The following RGS7 variants were observed in gnomAD, a reference collection of about 807,000 sequenced individuals.
RGS7 encodes regulator of G protein signaling 7, also known as regulator of G-protein signaling 7.
Under a neutral mutation model 81.1 loss-of-function variants are expected in RGS7, and 27 were observed. That is an observed-to-expected ratio of 0.33 (90% CI 0.25 to 0.46). RGS7 has a LOEUF of 0.46. Among genes scored for constraint, RGS7 ranks in the 20% least tolerant of loss-of-function variants. The pLI, the probability that RGS7 is intolerant of heterozygous loss-of-function variation, is 1.00. For synonymous variants in RGS7, 208 were observed against 207.7 expected (o/e 1.00, Z -0.01); for missense variants, 396 against 607.4 (o/e 0.65, Z 3.66).
intron 5 of RGS7, among the ~76,000 whole-genome samples, chr1:240,933,185 G>A (rs759234180): frequency 7.2e-5 from 11 of 151,758 alleles, no homozygotes; most frequent in Non-Finnish European, 1.5e-5. Context: ...CCCGGCCGGT[G>A]TTACTTTCTG....
At chr1:241,037,665 G>A (rs1217762801) in intron 3 of RGS7, among the ~76,000 whole-genome samples, 12 of 150,528 alleles carry the variant, frequency 8.0e-5, no homozygotes, top group Non-Finnish European at 1.6e-4. Flanking sequence ...AGGTTGCAGT[G>A]AGCCGAGATC....
chr1:240,875,093 T>C (rs1363624463), intron 6 of RGS7, among the ~76,000 whole-genome samples: 1 of 152,022 alleles, frequency 6.6e-6, no homozygotes. Context: ...TTGGCAATTT[T>C]CAAGTATTAA....
chr1:241,135,970 A>G (rs1332755682), intron 2 of RGS7, among the ~76,000 whole-genome samples: 1 of 152,056 alleles, frequency 6.6e-6, no homozygotes, highest in Non-Finnish European at 1.5e-5. Flanking sequence ...CAAAAAAAAA[A>G]AAAAAACTAG....
At chr1:241,214,298 C>A (rs1274169365) in intron 2 of RGS7, among the ~76,000 whole-genome samples, 1 of 152,036 alleles carries the variant, frequency 6.6e-6, no homozygotes, top group African/African-American at 2.4e-5. Context: ...GAATTCTAGA[C>A]TGACAAGGTA....
At chr1:241,211,472 T>C (rs1222464717) in intron 2 of RGS7, among the ~76,000 whole-genome samples, 1 of 152,154 alleles carries the variant, frequency 6.6e-6, no homozygotes, top group Non-Finnish European at 1.5e-5. Context: ...GCTGGAGTAG[T>C]GAGCAACACG....
intron 9 of RGS7, among the ~76,000 whole-genome samples, chr1:240,836,388 C>G (rs963986385): frequency 2.6e-5 from 4 of 152,144 alleles, no homozygotes; most frequent in African/African-American, 7.2e-5. Flanking sequence ...ATTATTCAGG[C>G]AAGAGATTAT....
At chr1:240,955,068 A>G (rs421234) in intron 4 of RGS7, among the ~76,000 whole-genome samples, 132,305 of 152,164 alleles carry the variant, frequency 0.87, 57,703 homozygotes, top group Admixed American at 0.93. Context: ...ACATAACACT[A>G]ATTAAAGAAA....
intron 9 of RGS7, among the ~76,000 whole-genome samples, chr1:240,863,242 G>T (rs1391678730): frequency 2.0e-5 from 3 of 152,170 alleles, no homozygotes; most frequent in Non-Finnish European, 2.9e-5. Context: ...GGGAGGCTGA[G>T]GCGGGAGGAT....
intron 3 of RGS7, among the ~76,000 whole-genome samples, chr1:241,091,663 A>T (rs1035256875): frequency 2.0e-5 from 3 of 152,120 alleles, no homozygotes; most frequent in Non-Finnish European, 4.4e-5. Flanking sequence ...AGACATGAGG[A>T]TCTCTTGAGT....
chr1:241,214,086 A>T (rs1461584097), intron 2 of RGS7, among the ~76,000 whole-genome samples: 2 of 152,328 alleles, frequency 1.3e-5, no homozygotes, highest in East Asian at 3.9e-4. Context: ...CTTTATATTT[A>T]TCTATGTATT....
intron 4 of RGS7, among the ~76,000 whole-genome samples, chr1:240,970,806 G>A (rs1683083306): frequency 6.6e-6 from 1 of 152,092 alleles, no homozygotes; most frequent in Non-Finnish European, 1.5e-5. Context: ...CCAACATGGT[G>A]AAACCCCATC....
intron 2 of RGS7, among the ~76,000 whole-genome samples, chr1:241,124,592 T>C (rs1369146127): frequency 6.6e-6 from 1 of 152,166 alleles, no homozygotes; most frequent in East Asian, 1.9e-4. Context: ...GCGGTTCTAT[T>C]AAAACTGTGG....
chr1:241,271,640 G>A lies in RGS7; in HGVS notation c.78+84059C>T, dbSNP rs2077900863. Among the ~76,000 whole-genome samples, 1 of 152,212 alleles carries A rather than the reference G, an allele frequency of 6.6e-6. No individual in the cohort carries two copies. Among genetic ancestry groups the A allele is most frequent in the East Asian group, 1.9e-4 (1 of 5,196 alleles). ...GCAGACTGCCCATCCCACTGTGGGT[G>A]TGGCTTATCCAACCTGTTGAGGGCC... On this transcript the variant is annotated intron_variant, in intron 2 of 18. Coordinates refer to ENST00000440928, the MANE Select transcript of RGS7 (RefSeq NM_001364886.1). The surrounding 1 kb of genome is among the most constrained non-coding windows in gnomAD (Gnocchi z 4.6).
intron 3 of RGS7, among the ~76,000 whole-genome samples, chr1:241,024,853 C>G (rs1428921353): frequency 6.9e-6 from 1 of 143,958 alleles, no homozygotes; most frequent in Non-Finnish European, 1.6e-5. Flanking sequence ...GTGATTCTCC[C>G]ACCCCTTTAT....
chr1:241,083,299 A>C (rs1242651276), intron 3 of RGS7, among the ~76,000 whole-genome samples: 1 of 152,092 alleles, frequency 6.6e-6, no homozygotes, highest in Non-Finnish European at 1.5e-5. Flanking sequence ...AAAAAAAAAG[A>C]AAAGAAAAGA....
chr1:241,042,969 AAAG>A (rs2060704437), intron 3 of RGS7, among the ~76,000 whole-genome samples: 1 of 151,984 alleles, frequency 6.6e-6, no homozygotes, highest in African/African-American at 2.4e-5. Flanking sequence ...AAAAAAAAAA[AAAG>A]GATTATGTCC....
intron 4 of RGS7, among the ~76,000 whole-genome samples, chr1:240,948,728 C>T (rs1470787832): frequency 6.6e-6 from 1 of 152,034 alleles, no homozygotes; most frequent in African/African-American, 2.4e-5. Flanking sequence ...CAGGCATTAG[C>T]CACCATGCCC....
At chr1:241,237,181 C>A (rs1381571294) in intron 2 of RGS7, among the ~76,000 whole-genome samples, 1 of 152,198 alleles carries the variant, frequency 6.6e-6, no homozygotes, top group Non-Finnish European at 1.5e-5. Flanking sequence ...TGCCATATTA[C>A]TAAAACATGT....
At chr1:240,841,557 C>T (rs1658000339) in intron 9 of RGS7, among the ~76,000 whole-genome samples, 1 of 149,368 alleles carries the variant, frequency 6.7e-6, no homozygotes, top group African/African-American at 2.5e-5. Context: ...TTCTATTGTG[C>T]AGTACTTTGA....
Sources: gnomAD v4.1 joint callset for allele counts (sites outside exome capture counted in the v4.1 genomes callset) on GRCh38, gnomAD v4.1.1 for gene constraint, Gnocchi (gnomAD v3.1) non-coding constraint, MANE v1.5 for transcripts, NCBI Gene and HGNC (gene_info 2026-07-23, HGNC 2026-07-21) for gene names.